TTC28: variants seen among roughly 807,000 people sequenced by gnomAD.
TTC28 encodes the protein tetratricopeptide repeat protein 28.
TTC28 carries 61 observed loss-of-function variants against 198.0 expected under a neutral mutation model. The ratio of observed to expected loss-of-function variants is 0.31; its 90% CI spans 0.25 to 0.38. The LOEUF (loss-of-function observed/expected upper bound fraction) is 0.38, where lower values mean the gene tolerates loss of function less well. TTC28 is among the 10% of genes least tolerant of loss of function. The pLI is 1.00. For missense variants in TTC28, 2,678 were observed against 3,164.0 expected, an observed-to-expected ratio of 0.85 and a Z score of 3.69; for synonymous variants, 1,171 against 1,297.8, an observed-to-expected ratio of 0.90 and a Z score of 2.10.
intron 12 of TTC28, among the ~76,000 whole-genome samples, chr22:28,053,712 G>C (rs1444441553): frequency 6.6e-6 from 1 of 152,052 alleles, no homozygotes; most frequent in East Asian, 1.9e-4. Flanking sequence ...AGGAGCCCTG[G>C]AATCCAGAAA....
chr22:27,992,995 C>A (rs978673726), intron 18 of TTC28: 3 of 565,754 alleles, frequency 5.3e-6, no homozygotes, highest in African/African-American at 3.8e-5. Context: ...CTGCTGATGA[C>A]AATGGCAGTA....
intron 2 of TTC28, among the ~76,000 whole-genome samples, chr22:28,536,232 T>C (rs960826730): frequency 7.7e-6 from 1 of 130,592 alleles, no homozygotes; most frequent in African/African-American, 2.8e-5. Context: ...ATAAAAATAA[T>C]AAATTATCCC....
intron 5 of TTC28, among the ~76,000 whole-genome samples, chr22:28,273,523 A>G (rs1932225323): frequency 6.6e-6 from 1 of 152,146 alleles, no homozygotes. Context: ...TCTGTGATCT[A>G]GAATATAGGA....
chr22:27,981,602 C>T lies in TTC28; in HGVS notation c.*619G>A, dbSNP rs190857083. The T allele has an allele frequency of 6.6e-6, 1 of 151,912 alleles. No individual in the cohort carries two copies. The highest frequency in any genetic ancestry group is 1.9e-4 in the East Asian group (1 of 5,152). The allele number at this position is 151,912 out of a possible 1,614,324, so 9.4% of individuals were successfully genotyped here. Reference sequence around the variant, plus strand: ...TGCAGAGCAGAGTTCAGAATGGAAGCGCTGTTTCAATGTGAATTATTGCAT... The same window carrying T: ...TGCAGAGCAGAGTTCAGAATGGAAGTGCTGTTTCAATGTGAATTATTGCAT... On this transcript the variant is annotated 3_prime_UTR_variant, in exon 23 of 23. Transcript: ENST00000397906.
At chr22:28,057,817 C>A (rs1258636659) in intron 12 of TTC28, among the ~76,000 whole-genome samples, 2 of 151,984 alleles carry the variant, frequency 1.3e-5, no homozygotes, top group African/African-American at 4.8e-5. Flanking sequence ...TGTAGATATA[C>A]CCAGTTGTTC....
At chr22:28,543,214 C>T (rs921389188) in intron 2 of TTC28, among the ~76,000 whole-genome samples, 2 of 151,924 alleles carry the variant, frequency 1.3e-5, no homozygotes, top group Admixed American at 1.3e-4. Context: ...GTGGTGTTCA[C>T]CTTATAGTTC....
Position 28,094,109 on chromosome 22 carries a change from C to G in TTC28, c.3903G>C (p.Glu1301Asp), listed in dbSNP as rs752887321. Residue 1301 changes from glutamate (E) to aspartate (D), a missense_variant, in exon 12 of 23, where the codon GAG becomes GAC. Physicochemically the swap from Glu to Asp is conservative, Grantham distance 45. Around this residue, in one of 8 missense-constraint regions of TTC28, gnomAD observed 727 missense variants for 861.9 expected, o/e 0.84. Coordinates refer to ENST00000397906, the MANE Select transcript of TTC28 (RefSeq NM_001145418.2). Reference protein sequence around the residue: ...ALEQHIASVREALGVESHYSR... With the variant: ...ALEQHIASVRDALGVESHYSR... ...AGTAGTGAGACTCCACCCCCAGGGCCTCCCGGACACTGGCAATGTGCTGCT... is the reference window on the plus strand; with the variant it reads ...AGTAGTGAGACTCCACCCCCAGGGCGTCCCGGACACTGGCAATGTGCTGCT... 15 of 1,550,674 alleles carry G rather than the reference C, an allele frequency of 9.7e-6. No individual in the cohort carries two copies. The highest frequency in any genetic ancestry group is 1.4e-5 in the African/African-American group (1 of 72,994).
rs529620325 is a variant in TTC28, at chr22:28,634,687, C to T, written c.103-4857G>A. Among the ~76,000 whole-genome samples the T allele has an allele frequency of 6.4e-4, 96 of 151,168 alleles. 1 individual carries two copies. Among genetic ancestry groups the T allele is most frequent in the South Asian group, 3.1e-3 (15 of 4,770 alleles). On this transcript the variant is annotated intron_variant, in intron 1 of 22. Coordinates refer to ENST00000397906, the MANE Select transcript of TTC28 (RefSeq NM_001145418.2). ...TGCAACCTTCGCCTCCAGGTTCTAG[C>T]GCTTCTCCTGCCTCGGCCTCCTGAG...
intron 5 of TTC28, among the ~76,000 whole-genome samples, chr22:28,291,110 T>C (rs2044780364): frequency 6.6e-6 from 1 of 152,012 alleles, no homozygotes; most frequent in African/African-American, 2.4e-5. Flanking sequence ...AAATTCAATA[T>C]AATTCCAATA....
chr22:28,169,008 C>T (rs903602666), intron 5 of TTC28, among the ~76,000 whole-genome samples: 6 of 152,190 alleles, frequency 3.9e-5, no homozygotes, highest in South Asian at 2.1e-4. Flanking sequence ...AAAAAGTGGG[C>T]GAAGGACATG....
chr22:28,014,297 T>C lies in TTC28; in HGVS notation c.4169A>G (p.Lys1390Arg), dbSNP rs1221215833. 2 of 1,551,612 alleles carry C rather than the reference T, an allele frequency of 1.3e-6. No homozygotes were observed. The highest frequency in any genetic ancestry group is 1.7e-6 in the Non-Finnish European group (2 of 1,146,952). Residue 1390 changes from lysine to arginine, a missense_variant, in exon 14 of 23, where the codon AAG becomes AGG. Around this residue, in one of 8 missense-constraint regions of TTC28, gnomAD observed 727 missense variants for 861.9 expected, o/e 0.84. Coordinates refer to ENST00000397906, the MANE Select transcript of TTC28 (RefSeq NM_001145418.2). ...GTCATACAGGGCACGGAGCGGGGGC[T>C]TGGCAAACGAGCTCTGCCTCCTGGG... ...SLPRRQSSFA[K>R]PPLRALYDLL...
chr22:27,993,458 G>C lies in TTC28; in HGVS notation c.5305C>G (p.Gln1769Glu), dbSNP rs1937487694. Residue 1769 changes from glutamine (Q) to glutamate (E), a missense_variant, in exon 18 of 23, where the codon CAG becomes GAG. Gln to Glu is a conservative substitution (Grantham distance 29). This residue lies in a region of TTC28 where 314 missense variants were observed against 442.7 expected (regional missense o/e 0.71). Coordinates refer to ENST00000397906, the MANE Select transcript of TTC28 (RefSeq NM_001145418.2). Reference sequence around the variant, plus strand: ...CCGCCCACTTTGTTCTCCACACTCTGCTGGGATGTGTACATGGCATTGCGC... The same window carrying C: ...CCGCCCACTTTGTTCTCCACACTCTCCTGGGATGTGTACATGGCATTGCGC... ...GQRNAMYTSQ[Q>E]SVENKVGGIP... 6.4e-7 allele frequency: 1 copy of C among 1,551,658 alleles called. No homozygotes were observed. The highest frequency in any genetic ancestry group is 8.7e-7 in the Non-Finnish European group (1 of 1,147,000).
chr22:28,133,646 A>G (rs1413638556), intron 6 of TTC28, among the ~76,000 whole-genome samples: 1 of 152,210 alleles, frequency 6.6e-6, no homozygotes, highest in Non-Finnish European at 1.5e-5. Context: ...ACTGCAAGGC[A>G]GCAGCATGGC....
chr22:28,252,075 G>A (rs918682623), intron 5 of TTC28, among the ~76,000 whole-genome samples: 3 of 152,154 alleles, frequency 2.0e-5, no homozygotes. Flanking sequence ...TGGCTACATG[G>A]TAACATGCTA....
At chr22:28,169,633 A>C (rs1452233751) in intron 5 of TTC28, among the ~76,000 whole-genome samples, 1 of 152,076 alleles carries the variant, frequency 6.6e-6, no homozygotes, top group Non-Finnish European at 1.5e-5. Flanking sequence ...GAACACATGG[A>C]CACAGGAAGG....
intron 2 of TTC28, among the ~76,000 whole-genome samples, chr22:28,383,637 T>A (rs1207109780): frequency 6.6e-6 from 1 of 152,182 alleles, no homozygotes; most frequent in African/African-American, 2.4e-5. Context: ...TTTTCTCATA[T>A]CCCACATTCA....
At chr22:28,507,757 C>A (rs746327836) in intron 2 of TTC28, among the ~76,000 whole-genome samples, 1 of 152,188 alleles carries the variant, frequency 6.6e-6, no homozygotes, top group Non-Finnish European at 1.5e-5. Context: ...CAGTATTCAA[C>A]ATTCTTAAAG....
At chr22:28,367,715 T>G (rs2046271048) in intron 2 of TTC28, among the ~76,000 whole-genome samples, 1 of 151,808 alleles carries the variant, frequency 6.6e-6, no homozygotes, top group Non-Finnish European at 1.5e-5. Flanking sequence ...AAATAAAATC[T>G]GAAATGAAAA....
chr22:28,654,969 G>T (rs927450172), intron 1 of TTC28, among the ~76,000 whole-genome samples: 1 of 152,022 alleles, frequency 6.6e-6, no homozygotes, highest in Admixed American at 6.6e-5. Flanking sequence ...ATGAATACTA[G>T]GACTATATTC....
Sources: allele counts gnomAD v4.1 joint callset (sites outside exome capture counted in the v4.1 genomes callset), GRCh38; gene constraint gnomAD v4.1.1; regional missense constraint gnomAD v4.1.1; transcripts MANE v1.5; gene names NCBI Gene and HGNC (gene_info 2026-07-23, HGNC 2026-07-21).